Variants in MID1 observed in about 807,000 individuals in gnomAD.
MID1 encodes E3 ubiquitin-protein ligase Midline-1.
MID1 carries 7 observed loss-of-function variants against 40.4 expected under a neutral mutation model. The ratio of observed to expected loss-of-function variants is 0.17; its 90% CI spans 0.10 to 0.33. The LOEUF is 0.33. MID1 is among the 10% of genes least tolerant of loss of function. MID1 has a pLI of 1.00. For synonymous variants in MID1, 229 were observed against 221.2 expected (o/e 1.04, Z -0.31); for missense variants, 367 against 558.5 (o/e 0.66, Z 3.46).
At chrX:10,689,982 C>T (rs2043122513) in intron 1 of MID1, among the ~76,000 whole-genome samples, 1 of 105,077 alleles carries the variant, frequency 9.5e-6, no homozygotes, top group Non-Finnish European at 1.9e-5. Flanking sequence ...CTTGGAGTGT[C>T]CAGAAAACAG....
At chrX:10,687,891 A>AT (rs1477136743) in intron 1 of MID1, among the ~76,000 whole-genome samples, 2 of 109,632 alleles carry the variant, frequency 1.8e-5, no homozygotes, top group Non-Finnish European at 3.8e-5. Context: ...TTTTTTTTCT[A>AT]TTTTTTGTAG....
chrX:10,448,648 G>T lies in MID1; in HGVS notation c.*720C>A, dbSNP rs1415340463. Reference sequence around the variant, plus strand: ...CAATCTCATTCTTAATGTTCTTCCAGAACCCTTAACCCTGAGAGAAGCAGG... The same window carrying T: ...CAATCTCATTCTTAATGTTCTTCCATAACCCTTAACCCTGAGAGAAGCAGG... On this transcript the variant is annotated 3_prime_UTR_variant, in exon 10 of 10. Transcript: ENST00000317552. 1 of 111,992 alleles carries T rather than the reference G, an allele frequency of 8.9e-6. No homozygotes were observed. The highest frequency in any genetic ancestry group is 2.8e-4 in the East Asian group (1 of 3,578). The allele number at this position is 111,992 out of a possible 1,213,427, so 9.2% of individuals were successfully genotyped here.
rs751552849 is a variant in MID1, at chrX:10,559,151, G to A, written c.660+7737C>T. ...TTTTAATACATTTTACAAATATTTGGAAATCTTATTTTAATCACATGGAAA... is the reference window on the plus strand; with the variant it reads ...TTTTAATACATTTTACAAATATTTGAAAATCTTATTTTAATCACATGGAAA... On this transcript the variant is annotated intron_variant, in intron 2 of 9. Coordinates refer to ENST00000317552, the MANE Select transcript of MID1 (RefSeq NM_000381.4). 4.5e-5 allele frequency among the ~76,000 whole-genome samples: 5 copies of A among 112,083 alleles called. No homozygotes were observed. In the East Asian group the frequency reaches 1.4e-3, roughly 31 times the overall value.
chrX:10,765,943 G>T (rs1327729067), intron 1 of MID1, among the ~76,000 whole-genome samples: 1 of 7,314 alleles, frequency 1.4e-4, no homozygotes, highest in Non-Finnish European at 3.9e-4. Context: ...GAAAGGAAAG[G>T]AAAGAAAGAA....
intron 3 of MID1, among the ~76,000 whole-genome samples, chrX:10,511,259 A>C (rs2147347762): frequency 9.0e-6 from 1 of 111,138 alleles, no homozygotes; most frequent in South Asian, 3.8e-4. Context: ...AAAAAAAAAA[A>C]AAATTACGTG....
At chrX:10,539,767 C>T (rs1933397204) in intron 2 of MID1, among the ~76,000 whole-genome samples, 2 of 112,704 alleles carry the variant, frequency 1.8e-5, no homozygotes, top group Admixed American at 9.3e-5. Flanking sequence ...TTCTTTGAGA[C>T]AGAGTCTCAC....
chrX:10,477,735 C>T (rs966790204), intron 5 of MID1, among the ~76,000 whole-genome samples: 2 of 112,137 alleles, frequency 1.8e-5, no homozygotes, highest in Non-Finnish European at 3.8e-5. Flanking sequence ...GTGTCTGGAG[C>T]TATGCTGCTC....
rs1928046387 is a variant in MID1 at position 10,446,537 on chromosome X, C to A, written c.*2831G>T. On this transcript the variant is annotated 3_prime_UTR_variant, in exon 10 of 10. Coordinates refer to ENST00000317552, the MANE Select transcript of MID1 (RefSeq NM_000381.4). ...CACCCAGGCCCACCCTCATCTTAAT[C>A]CACTATTTAGAGTCCTACTTGAATG... The A allele has an allele frequency of 8.9e-6, 1 of 111,972 alleles. No individual in the cohort carries two copies. Among genetic ancestry groups the A allele is most frequent in the Admixed American group, 9.4e-5 (1 of 10,584 alleles). 9.2% of individuals were successfully genotyped at this position (111,972 alleles called of 1,213,427 possible).
chrX:10,507,324 A>G (rs1308503454), intron 3 of MID1, among the ~76,000 whole-genome samples: 1 of 111,336 alleles, frequency 9.0e-6, no homozygotes, highest in South Asian at 3.8e-4. Context: ...GGGAAGGGAG[A>G]GGGCAGCCTG....
intron 1 of MID1, among the ~76,000 whole-genome samples, chrX:10,668,909 G>T (rs1453041500): frequency 8.9e-6 from 1 of 112,117 alleles, no homozygotes; most frequent in Non-Finnish European, 1.9e-5. Context: ...TTAGTTTCTT[G>T]TTTCGTTAGT....
chrX:10,575,898 T>C (rs1190858784), intron 1 of MID1, among the ~76,000 whole-genome samples: 1 of 110,229 alleles, frequency 9.1e-6, no homozygotes, highest in African/African-American at 3.3e-5. Context: ...GAATTATCAC[T>C]GCATTTAGCC....
intron 1 of MID1, among the ~76,000 whole-genome samples, chrX:10,702,124 C>A (rs1350429934): frequency 3.5e-5 from 4 of 112,805 alleles, no homozygotes; most frequent in Non-Finnish European, 5.6e-5. Flanking sequence ...TAATTCCCAA[C>A]TGCACAGAAC....
In MID1 at chrX:10,634,535, A is replaced by AT. The variant is rs112990830; in HGVS notation, c.-186-14117dup. Among the ~76,000 whole-genome samples, 505 of 104,097 alleles carry AT rather than the reference A, an allele frequency of 4.9e-3. 2 individuals carry two copies. The highest frequency in any genetic ancestry group is 0.013 in the African/African-American group (368 of 28,812). 90.4% of individuals were successfully genotyped at this position (104,097 alleles called of 115,157 possible). On this transcript the variant is annotated intron_variant, in intron 1 of 10. Coordinates refer to the MID1 transcript ENST00000380785. Reference sequence around the variant, plus strand: ...TTAACAAAGAGGTTGCTATGGATACATTTTTTTTTTTTTAAATTGAGTGCT... The same window carrying AT: ...TTAACAAAGAGGTTGCTATGGATACATTTTTTTTTTTTTTAAATTGAGTGCT...
chrX:10,807,417 G>A (rs1025446004), intron 1 of MID1, among the ~76,000 whole-genome samples: 18 of 111,784 alleles, frequency 1.6e-4, no homozygotes, highest in African/African-American at 5.8e-4. Flanking sequence ...GTTCTATGCC[G>A]AGGGTTTCAT....
At chrX:10,732,921 T>C (rs1216658068) in intron 1 of MID1, among the ~76,000 whole-genome samples, 1 of 103,723 alleles carries the variant, frequency 9.6e-6, no homozygotes, top group Non-Finnish European at 2.0e-5. Context: ...TGGAGTTCAG[T>C]GGCGCGATCT....
At chrX:10,831,900 C>A (rs769179744) in intron 1 of MID1, among the ~76,000 whole-genome samples, 1 of 112,298 alleles carries the variant, frequency 8.9e-6, no homozygotes, top group Non-Finnish European at 1.9e-5. Flanking sequence ...AAACGGCAGA[C>A]GTGCTGGCTG....
intron 1 of MID1, among the ~76,000 whole-genome samples, chrX:10,744,535 T>C (rs7889737): frequency 0.099 from 10,967 of 110,915 alleles, 557 homozygotes; most frequent in African/African-American, 0.21. Flanking sequence ...ATAGACATAT[T>C]ATGCCACTGA....
intron 7 of MID1, among the ~76,000 whole-genome samples, chrX:10,465,877 G>C (rs1169869438): frequency 1.8e-5 from 2 of 112,086 alleles, no homozygotes; most frequent in African/African-American, 6.5e-5. Context: ...GAAATAATAA[G>C]TGGGTATTGT....
intron 4 of MID1, among the ~76,000 whole-genome samples, chrX:10,488,887 G>A (rs1292131443): frequency 4.5e-5 from 5 of 111,211 alleles, no homozygotes; most frequent in East Asian, 2.8e-4. Flanking sequence ...TTTGAGAGTC[G>A]GACTGGCTCT....
Sources: allele counts gnomAD v4.1 joint callset (sites outside exome capture counted in the v4.1 genomes callset), GRCh38; gene constraint gnomAD v4.1.1; transcripts MANE v1.5; gene names NCBI Gene and HGNC (gene_info 2026-07-23, HGNC 2026-07-21).